The following PCMT1 variants were observed in gnomAD, a reference collection of about 807,000 sequenced individuals.
The protein encoded by PCMT1 is protein-L-isoaspartate(D-aspartate) O-methyltransferase.
PCMT1 carries 9 observed loss-of-function variants against 29.2 expected under a neutral mutation model. The observed-to-expected ratio is 0.31, with a 90% CI of 0.19 to 0.54. PCMT1 has a LOEUF of 0.54. PCMT1 is among the 20% of genes least tolerant of loss of function. PCMT1 has a pLI of 0.95. For synonymous variants in PCMT1, 98 were observed against 97.5 expected (o/e 1.00, Z -0.03); for missense variants, 184 against 282.2 (o/e 0.65, Z 2.49).
chr6:149,801,156 ATT>A (rs1775816026), intron 6 of PCMT1, among the ~76,000 whole-genome samples: 1 of 152,190 alleles, frequency 6.6e-6, no homozygotes, highest in Non-Finnish European at 1.5e-5. Flanking sequence ...ATTTTTTCAC[ATT>A]TTGGAATATT....
chr6:149,802,291 A>G lies in PCMT1; in HGVS notation c.596A>G (p.Gln199Arg). 6.2e-7 allele frequency: 1 copy of G among 1,613,914 alleles called. No individual in the cohort carries two copies. Among genetic ancestry groups the G allele is most frequent in the Non-Finnish European group, 8.5e-7 (1 of 1,179,840 alleles). The change falls in exon 7 of 8, where the codon CAA becomes CGA. Residue 199 changes from glutamine (Q) to arginine (R), a missense_variant. Physicochemically the swap from Gln to Arg is conservative, Grantham distance 43. Coordinates refer to ENST00000464889, the MANE Select transcript of PCMT1 (RefSeq NM_001360452.2). ...NQMLEQYDKLQDGSIKMKPLM... is the reference protein window; with the variant it reads ...NQMLEQYDKLRDGSIKMKPLM... ...ATGTTGGAGCAGTATGACAAGCTACAAGATGGCAGCATCAAAATGAAGCCT... is the reference window on the plus strand; with the variant it reads ...ATGTTGGAGCAGTATGACAAGCTACGAGATGGCAGCATCAAAATGAAGCCT...
intron 1 of PCMT1, among the ~76,000 whole-genome samples, chr6:149,763,907 T>C (rs1399711229): frequency 6.6e-6 from 1 of 152,206 alleles, no homozygotes; most frequent in Non-Finnish European, 1.5e-5. Context: ...AAGAGTGTCA[T>C]GTGAGTGAAT....
chr6:149,772,940 C>T (rs1463103676), intron 2 of PCMT1, among the ~76,000 whole-genome samples, 198 bp from the exon 3 acceptor site: 1 of 150,002 alleles, frequency 6.7e-6, no homozygotes, highest in Non-Finnish European at 1.5e-5. Flanking sequence ...TGGCGTGAAC[C>T]TGGGAGGCGG....
chr6:149,767,258 C>CT (rs113665810), intron 1 of PCMT1, among the ~76,000 whole-genome samples: 76,901 of 145,442 alleles, frequency 0.53, 23,127 homozygotes, highest in East Asian at 0.83. Flanking sequence ...GTAATTCACT[C>CT]TTTTTTTTTT....
intron 5 of PCMT1, chr6:149,795,272 G>A (rs1042483911): frequency 9.9e-6 from 4 of 404,120 alleles, no homozygotes; most frequent in African/African-American, 2.2e-5. Context: ...AGTTCCTCTC[G>A]TCCAAGCAGT....
intron 7 of PCMT1, among the ~76,000 whole-genome samples, chr6:149,805,764 C>T (rs1378991014): frequency 1.3e-5 from 2 of 151,246 alleles, no homozygotes; most frequent in Non-Finnish European, 2.9e-5. Context: ...GGTGAAACTC[C>T]ATCTCTACTA....
chr6:149,795,055 T>C, intron 5 of PCMT1: 1 of 345,710 alleles, frequency 2.9e-6, no homozygotes, highest in Non-Finnish European at 5.6e-6. Flanking sequence ...AAGCCAGGCA[T>C]GGTGGCAGGC....
At chr6:149,800,327 G>T (rs1775786591) in intron 6 of PCMT1, among the ~76,000 whole-genome samples, 1 of 152,064 alleles carries the variant, frequency 6.6e-6, no homozygotes, top group Non-Finnish European at 1.5e-5. Context: ...AAATTAGTCG[G>T]GCTCGGTGGT....
intron 6 of PCMT1, among the ~76,000 whole-genome samples, chr6:149,798,416 G>GTGATATTTCACT (rs1478094772): frequency 1.3e-5 from 2 of 152,130 alleles, no homozygotes; most frequent in Non-Finnish European, 2.9e-5. Context: ...GGACCCTGAA[G>GTGATATTTCACT]TGATCTTGAA....
In PCMT1 at chr6:149,802,221, G is replaced by A. The variant is rs376806476; in HGVS notation, c.526G>A (p.Gly176Arg). The A allele has an allele frequency of 3.7e-5, 60 of 1,609,892 alleles. No homozygotes were observed. Among genetic ancestry groups the A allele is most frequent in the East Asian group, 4.5e-5 (2 of 44,860 alleles). The change falls in exon 7 of 8, where the codon GGA (glycine) becomes AGA (arginine). Residue 176 changes from glycine (G) to arginine (R), a missense_variant. Gly to Arg is a moderately radical substitution (Grantham distance 125). Coordinates refer to ENST00000464889, the MANE Select transcript of PCMT1 (RefSeq NM_001360452.2). ...PQALIDQLKP[G>R]GRLILPVGPA... ...TTAGCTAATAGATCAGTTAAAGCCC[G>A]GAGGAAGATTGATATTGCCTGTTGG... is the stretch of plus-strand genomic sequence containing the variant.
chr6:149,756,547 T>C (rs1786518786), intron 1 of PCMT1, among the ~76,000 whole-genome samples: 1 of 106,582 alleles, frequency 9.4e-6, no homozygotes, highest in South Asian at 3.0e-4. Context: ...TTTTTTTTGG[T>C]AGAGACGGGG....
intron 3 of PCMT1, among the ~76,000 whole-genome samples, chr6:149,774,648 T>A (rs1209997547): frequency 6.7e-6 from 1 of 148,880 alleles, no homozygotes; most frequent in Non-Finnish European, 1.5e-5. Context: ...AGTAATTCTC[T>A]TGCCTCAGCC....
At chr6:149,773,061 GATGGTAGAAAAGA>G (rs1787401635) in intron 2 of PCMT1, 64 bp from the exon 3 acceptor site, 2 of 1,076,878 alleles carry the variant, frequency 1.9e-6, no homozygotes, top group East Asian at 4.8e-5. Flanking sequence ...ATAACGTATG[GATGGTAGAAAAGA>G]AATTATGTGA....
chr6:149,764,873 C>G lies in PCMT1; in HGVS notation c.56-6289C>G, dbSNP rs183886007. ...TGGCTAACACAGTGAAACCCCGTCT[C>G]TACTAAAAATACAAAAAATTAGCCA... On this transcript the variant is annotated intron_variant, in intron 1 of 7. Coordinates refer to ENST00000464889, the MANE Select transcript of PCMT1 (RefSeq NM_001360452.2). Among the ~76,000 whole-genome samples, 348 of 151,196 alleles carry G rather than the reference C, an allele frequency of 2.3e-3. 1 individual carries two copies. Among genetic ancestry groups the G allele is most frequent in the African/African-American group, 8.1e-3 (334 of 41,132 alleles).
At position 149,809,790 on chromosome 6, in the gene PCMT1, T is replaced by G. The variant is rs1052049204; in HGVS notation, c.*38-826T>G. Among the ~76,000 whole-genome samples, 8 of 152,150 alleles carry G rather than the reference T, an allele frequency of 5.3e-5. No homozygotes were observed. In the East Asian group the frequency reaches 1.5e-3, roughly 29 times the overall value. On this transcript the variant is annotated intron_variant, in intron 7 of 7. Transcript: ENST00000464889. ...CATTTTTCTACATTTCTTTCCCCTC[T>G]TTCTATATATACATATATGTAATTT...
At chr6:149,765,143 G>T (rs1381567531) in intron 1 of PCMT1, among the ~76,000 whole-genome samples, 2 of 150,714 alleles carry the variant, frequency 1.3e-5, no homozygotes, top group African/African-American at 4.9e-5. Flanking sequence ...GCGGATCCAC[G>T]AGGTCAGGAG....
At chr6:149,760,906 G>A (rs908407535) in intron 1 of PCMT1, among the ~76,000 whole-genome samples, 4 of 152,052 alleles carry the variant, frequency 2.6e-5, no homozygotes, top group East Asian at 3.9e-4. Context: ...TAATTTCTAC[G>A]TATGTTCCAT....
At chr6:149,760,599 A>G (rs1786695308) in intron 1 of PCMT1, among the ~76,000 whole-genome samples, 1 of 152,120 alleles carries the variant, frequency 6.6e-6, no homozygotes, top group Non-Finnish European at 1.5e-5. Flanking sequence ...CATGCCTGTA[A>G]TCCCAGCACT....
chr6:149,807,618 G>T (rs954123529), intron 7 of PCMT1, among the ~76,000 whole-genome samples: 1 of 152,108 alleles, frequency 6.6e-6, no homozygotes, highest in Non-Finnish European at 1.5e-5. Flanking sequence ...TGATCCACCC[G>T]CCTCAGCCTC....
Sources: gnomAD v4.1 joint callset for allele counts (sites outside exome capture counted in the v4.1 genomes callset) on GRCh38, gnomAD v4.1.1 for gene constraint, MANE v1.5 for transcripts, NCBI Gene and HGNC (gene_info 2026-07-23, HGNC 2026-07-21) for gene names.